The following EPHA6 variants were observed in gnomAD, a reference collection of about 807,000 sequenced individuals.
EPHA6 encodes the protein ephrin type-A receptor 6.
In EPHA6, 50 loss-of-function variants were observed where a neutral mutation model predicts 112.0. The ratio of observed to expected loss-of-function variants is 0.45; its 90% CI spans 0.36 to 0.56. EPHA6 has a LOEUF of 0.56. Ranked by LOEUF, EPHA6 falls within the 20% of genes least tolerant of loss-of-function variation. The pLI is 0.00. For synonymous variants in EPHA6, 529 were observed against 490.7 expected (o/e 1.08, Z -1.03); for missense variants, 1,280 against 1,417.4 (o/e 0.90, Z 1.56).
chr3:97,220,021 C>A (rs1352572277), intron 3 of EPHA6, among the ~76,000 whole-genome samples: 1 of 152,210 alleles, frequency 6.6e-6, no homozygotes, highest in Non-Finnish European at 1.5e-5. Context: ...CAAGGTTCCA[C>A]AGATCTCTAG....
Position 97,173,353 on chromosome 3 carries a change from C to A in EPHA6, c.1115-52911C>A, listed in dbSNP as rs546327033. ...ATGTCTGTTCATACAAAACATTTCC[C>A]AATGCCAGACCAATGTGGAAAAAAT... On this transcript the variant is annotated intron_variant, in intron 3 of 17. Transcript: ENST00000389672. 7.9e-5 allele frequency among the ~76,000 whole-genome samples: 12 copies of A among 151,872 alleles called. No individual in the cohort carries two copies. The East Asian group carries it at 1.2e-3, about 15-fold the overall frequency.
At chr3:97,096,275 C>CA (rs1559725642) in intron 3 of EPHA6, among the ~76,000 whole-genome samples, 9 of 147,696 alleles carry the variant, frequency 6.1e-5, no homozygotes, top group African/African-American at 2.2e-4. Context: ...ACATACACAC[C>CA]CACACACACA....
At chr3:97,501,505 G>C (rs1188602529) in intron 10 of EPHA6, among the ~76,000 whole-genome samples, 1 of 151,676 alleles carries the variant, frequency 6.6e-6, no homozygotes, top group Admixed American at 6.6e-5. Context: ...TAATAGAACA[G>C]TAACTTTAAA....
intron 3 of EPHA6, among the ~76,000 whole-genome samples, chr3:97,217,586 G>A (rs1002353442): frequency 1.3e-5 from 2 of 152,046 alleles, no homozygotes; most frequent in Non-Finnish European, 2.9e-5. Context: ...AAAATGAAGA[G>A]GTATAAGAAA....
chr3:96,870,283 G>A (rs1210579777), intron 2 of EPHA6, among the ~76,000 whole-genome samples: 5 of 151,976 alleles, frequency 3.3e-5, no homozygotes, highest in South Asian at 2.1e-4. Context: ...CCAAAGGCCC[G>A]GGGAGTGGGT....
chr3:97,573,975 C>T (rs1260969224), intron 11 of EPHA6, among the ~76,000 whole-genome samples: 1 of 152,018 alleles, frequency 6.6e-6, no homozygotes, highest in Non-Finnish European at 1.5e-5. Context: ...CAGGCTCCTC[C>T]CAATTCTAAG....
rs369064421 is a variant in EPHA6, at chr3:97,673,718, T to G, written c.2784+35636T>G. On this transcript the variant is annotated intron_variant, in intron 14 of 17. Transcript: ENST00000389672. ...GGGCCATTGACCAAGTCCATCTTTGTCAGAACCTATTTGTCCAGGACTCAA... is the reference window on the plus strand; with the variant it reads ...GGGCCATTGACCAAGTCCATCTTTGGCAGAACCTATTTGTCCAGGACTCAA... Among the ~76,000 whole-genome samples the G allele has an allele frequency of 9.2e-5, 14 of 152,296 alleles. No individual in the cohort carries two copies. The South Asian group carries it at 2.7e-3, about 29-fold the overall frequency.
chr3:97,094,591 GT>G (rs1314279661), intron 3 of EPHA6, among the ~76,000 whole-genome samples: 1 of 152,046 alleles, frequency 6.6e-6, no homozygotes. Context: ...ACATTTCTCA[GT>G]TATTAAAATC....
intron 10 of EPHA6, among the ~76,000 whole-genome samples, chr3:97,506,968 T>A (rs1465438171): frequency 1.3e-5 from 2 of 152,136 alleles, no homozygotes; most frequent in Non-Finnish European, 2.9e-5. Flanking sequence ...TTTCTCTCTG[T>A]CTATTATTGG....
At chr3:96,979,898 G>A (rs2042689407) in intron 2 of EPHA6, among the ~76,000 whole-genome samples, 1 of 152,164 alleles carries the variant, frequency 6.6e-6, no homozygotes, top group South Asian at 2.1e-4. Context: ...TGATGGGGTT[G>A]TTTGCTTTTT....
intron 5 of EPHA6, among the ~76,000 whole-genome samples, chr3:97,255,642 TACAAC>T (rs2079287017): frequency 6.6e-6 from 1 of 152,204 alleles, no homozygotes; most frequent in Non-Finnish European, 1.5e-5. Flanking sequence ...CTCGAAAACA[TACAAC>T]ACATTTTGAA....
chr3:97,459,462 G>A (rs1438351831), intron 7 of EPHA6, among the ~76,000 whole-genome samples: 2 of 152,162 alleles, frequency 1.3e-5, no homozygotes, highest in East Asian at 3.9e-4. Flanking sequence ...AAGGAATGGT[G>A]GGGATGATGA....
intron 2 of EPHA6, among the ~76,000 whole-genome samples, chr3:96,878,984 T>G (rs1576217429): frequency 2.0e-5 from 3 of 152,060 alleles, no homozygotes; most frequent in Non-Finnish European, 4.4e-5. Flanking sequence ...TTTTGAGTAT[T>G]AGAATTATTG....
intron 10 of EPHA6, among the ~76,000 whole-genome samples, chr3:97,496,462 T>C (rs1471876893): frequency 6.6e-6 from 1 of 152,188 alleles, no homozygotes; most frequent in Non-Finnish European, 1.5e-5. Context: ...AGTTATTTGG[T>C]CAAAGTGAAC....
intron 3 of EPHA6, among the ~76,000 whole-genome samples, chr3:97,110,570 G>A (rs918355414): frequency 4.6e-5 from 7 of 152,044 alleles, no homozygotes; most frequent in African/African-American, 7.2e-5. Flanking sequence ...TGTTGCCCAG[G>A]CTGGAGTGCA....
chr3:97,509,500 G>A (rs569578654), intron 10 of EPHA6, among the ~76,000 whole-genome samples: 1 of 152,198 alleles, frequency 6.6e-6, no homozygotes, highest in East Asian at 1.9e-4. Context: ...ATTTAAGAAT[G>A]TTGAATATTG....
intron 5 of EPHA6, among the ~76,000 whole-genome samples, chr3:97,309,888 A>T (rs755449195): frequency 4.0e-5 from 6 of 151,740 alleles, no homozygotes; most frequent in African/African-American, 9.7e-5. Context: ...CATTTTTCAA[A>T]GTTGTTGACT....
At chr3:97,308,509 A>G (rs745434382) in intron 5 of EPHA6, among the ~76,000 whole-genome samples, 6 of 151,656 alleles carry the variant, frequency 4.0e-5, no homozygotes, top group Non-Finnish European at 7.4e-5. Flanking sequence ...GTCAATTCAC[A>G]TATCTATTCT....
intron 7 of EPHA6, among the ~76,000 whole-genome samples, chr3:97,450,925 A>T (rs987163629): frequency 3.3e-5 from 5 of 152,072 alleles, no homozygotes; most frequent in Non-Finnish European, 4.4e-5. Flanking sequence ...GAAGATGACT[A>T]CTACTTCAGC....
Sources: allele counts gnomAD v4.1 joint callset (sites outside exome capture counted in the v4.1 genomes callset), GRCh38; gene constraint gnomAD v4.1.1; transcripts MANE v1.5; gene names NCBI Gene and HGNC (gene_info 2026-07-23, HGNC 2026-07-21).